The following KIF1B variants were observed in gnomAD, a reference collection of about 807,000 sequenced individuals.
KIF1B encodes the protein kinesin family member 1B.
KIF1B carries 76 observed loss-of-function variants against 241.9 expected under a neutral mutation model. That is an observed-to-expected ratio of 0.31 (90% confidence interval 0.26 to 0.38). The LOEUF (loss-of-function observed/expected upper bound fraction) is 0.38. Among genes scored for constraint, KIF1B ranks in the 10% least tolerant of loss-of-function variants. The probability of loss-of-function intolerance (pLI) is 1.00; values close to 1 mark genes in which losing one functional copy is unlikely to be tolerated. For missense variants in KIF1B, 1,622 were observed against 2,271.4 expected, an observed-to-expected ratio of 0.71 and a Z score of 5.81; for synonymous variants, 750 against 796.7, an observed-to-expected ratio of 0.94 and a Z score of 0.99.
chr1:10,324,000 A>G lies in KIF1B; in HGVS notation c.2475A>G (p.Val825=), dbSNP rs1280903143. The change falls in exon 25 of 49, where the codon GTA becomes GTG. Residue 825 remains valine (V), a synonymous_variant. Transcript: ENST00000676179. ...HEDRPFPRTV[V]AVEVQDLKNG... ...ACAGGCCTTTCCCTCGCACAGTGGTAGCAGTAGAAGTCCAGGATTTGAAGA... is the reference window on the plus strand; with the variant it reads ...ACAGGCCTTTCCCTCGCACAGTGGTGGCAGTAGAAGTCCAGGATTTGAAGA... 1.2e-6 allele frequency: 2 copies of G among 1,614,200 alleles called. No homozygotes were observed. Among genetic ancestry groups the G allele is most frequent in the South Asian group, 2.2e-5 (2 of 91,076 alleles).
At chr1:10,352,810 C>T (rs893391244) in intron 38 of KIF1B, 74 bp downstream of exon 38, 10 of 1,028,660 alleles carry the variant, frequency 9.7e-6, no homozygotes, top group Non-Finnish European at 1.5e-5. Context: ...GTGCCTTATT[C>T]ATTAATGACT....
chr1:10,220,551 AC>A (rs1241582856), intron 1 of KIF1B, among the ~76,000 whole-genome samples: 1 of 152,008 alleles, frequency 6.6e-6, no homozygotes, highest in Non-Finnish European at 1.5e-5. Flanking sequence ...TGCCTATAGT[AC>A]CCAGCTACTC....
intron 3 of KIF1B, among the ~76,000 whole-genome samples, chr1:10,257,363 A>T (rs1157698445): frequency 6.7e-6 from 1 of 148,550 alleles, no homozygotes; most frequent in Non-Finnish European, 1.5e-5. Context: ...AATCCCAGCT[A>T]CTTGGGAGGC....
chr1:10,245,755 A>G (rs1647201235), intron 2 of KIF1B, among the ~76,000 whole-genome samples: 1 of 152,186 alleles, frequency 6.6e-6, no homozygotes, highest in South Asian at 2.1e-4. Context: ...AAATCAGGAG[A>G]TAGCCTGAAC....
intron 12 of KIF1B, among the ~76,000 whole-genome samples, chr1:10,277,303 C>A (rs1425232037): frequency 6.6e-6 from 1 of 150,706 alleles, no homozygotes; most frequent in Non-Finnish European, 1.5e-5. Flanking sequence ...AAGAAAAAAA[C>A]AATTACCAAC....
At chr1:10,247,632 A>G (rs1482056908) in intron 2 of KIF1B, among the ~76,000 whole-genome samples, 1 of 152,220 alleles carries the variant, frequency 6.6e-6, no homozygotes, top group Non-Finnish European at 1.5e-5. Flanking sequence ...ACAGTTCTGT[A>G]TAGTTAGGCA....
At chr1:10,226,972 A>AAAACAAAC (rs111659874) in intron 1 of KIF1B, among the ~76,000 whole-genome samples, 12 of 146,766 alleles carry the variant, frequency 8.2e-5, no homozygotes, top group African/African-American at 1.0e-4. Flanking sequence ...CCCTGTCTCA[A>AAAACAAAC]AAACAAACAA....
rs1652216048 is a variant in KIF1B, at chr1:10,337,277, T to C, written c.3259+74T>C. ...AAATATTGACCATTATCAAGGGACA[T>C]AGTGGCCTTCATCAACTAGGAATGG... is the stretch of plus-strand genomic sequence containing the variant. On this transcript the variant is annotated intron_variant, in intron 30 of 48. Coordinates refer to ENST00000676179, the MANE Select transcript of KIF1B (RefSeq NM_001365951.3). The surrounding 1 kb of genome is among the most constrained non-coding windows in gnomAD (Gnocchi z 4.0). The C allele has an allele frequency of 3.1e-6, 5 of 1,612,360 alleles. No homozygotes were observed. The highest frequency in any genetic ancestry group is 1.3e-5 in the African/African-American group (1 of 75,016).
In KIF1B at chr1:10,310,004, C is replaced by T. The variant is rs146631257; in HGVS notation, c.2116-10039C>T. Reference sequence around the variant, plus strand: ...GCTTACCTCCCCTTCCAGACTTGAGCTCCTCAGCTCTTTCTGCCCAGCCCA... The same window carrying T: ...GCTTACCTCCCCTTCCAGACTTGAGTTCCTCAGCTCTTTCTGCCCAGCCCA... On this transcript the variant is annotated intron_variant, in intron 22 of 48. Coordinates refer to ENST00000676179, the MANE Select transcript of KIF1B (RefSeq NM_001365951.3). Among the ~76,000 whole-genome samples the T allele has an allele frequency of 1.3e-3, 204 of 151,552 alleles. 2 individuals are homozygous for T. In the East Asian group the frequency reaches 0.023, roughly 17 times the overall value.
Position 10,267,511 on chromosome 1 carries a change from T to A in KIF1B, c.561T>A (p.Thr187=). Residue 187 remains threonine, a synonymous_variant, in exon 6 of 49, where the codon ACT becomes ACA. Transcript: ENST00000676179. ...AGGATCTGTCCAAGTTGGCAGTTAC[T>A]TCCTACACAGACATTGCTGACCTCA... The part of the protein sequence containing the change: ...YVEDLSKLAV[T]SYTDIADLMD... 1.9e-6 allele frequency: 3 copies of A among 1,614,198 alleles called. No homozygotes were observed. Among genetic ancestry groups the A allele is most frequent in the Non-Finnish European group, 2.5e-6 (3 of 1,180,010 alleles).
chr1:10,227,019 A>G (rs1371128703), intron 1 of KIF1B, among the ~76,000 whole-genome samples: 2 of 148,714 alleles, frequency 1.3e-5, no homozygotes, highest in Middle Eastern at 3.5e-3. Context: ...GTTGATAAAT[A>G]ACGCAAGTCT....
intron 27 of KIF1B, among the ~76,000 whole-genome samples, chr1:10,333,326 C>T (rs1236396046): frequency 1.3e-5 from 2 of 151,258 alleles, no homozygotes; most frequent in South Asian, 2.1e-4. Context: ...GCTGAGATTG[C>T]GCCATTGCAC....
intron 1 of KIF1B, among the ~76,000 whole-genome samples, chr1:10,224,988 A>G (rs1055133321): frequency 2.6e-5 from 4 of 152,118 alleles, no homozygotes; most frequent in Non-Finnish European, 4.4e-5. Context: ...TGCAACCTAG[A>G]TCCCTTGCAT....
At position 10,276,317 on chromosome 1, in the gene KIF1B, T is replaced by C. The variant is rs769343487; in HGVS notation, c.959-4T>C. The C allele has an allele frequency of 6.2e-7, 1 of 1,611,264 alleles. No individual in the cohort carries two copies. Among genetic ancestry groups the C allele is most frequent in the South Asian group, 1.1e-5 (1 of 90,990 alleles). On this transcript the variant is annotated splice_region_variant and splice_polypyrimidine_tract_variant and intron_variant, in intron 11 of 48. Transcript: ENST00000676179. ...GATTTGATACTCATGATTAATCTTT[T>C]TAGGTGGCAATTCTCGGACTGCAAT...
intron 13 of KIF1B, 34 bp downstream of exon 13, chr1:10,278,162 C>CCTTT (rs1428685993): frequency 1.2e-6 from 2 of 1,605,496 alleles, no homozygotes; most frequent in Non-Finnish European, 1.7e-6. Flanking sequence ...AAAATCTAAT[C>CCTTT]CTTTCTTCTT....
chr1:10,264,366 A>G (rs1199119781), intron 5 of KIF1B, among the ~76,000 whole-genome samples: 3 of 152,248 alleles, frequency 2.0e-5, no homozygotes, highest in Non-Finnish European at 4.4e-5. Context: ...TGGTTGGTGC[A>G]GAAGTAAAAG....
At chr1:10,241,894 G>A (rs1271225255) in intron 2 of KIF1B, among the ~76,000 whole-genome samples, 1 of 152,162 alleles carries the variant, frequency 6.6e-6, no homozygotes, top group Non-Finnish European at 1.5e-5. Flanking sequence ...AGCTAGCAAA[G>A]TCTGGAATGC....
chr1:10,262,295 G>T (rs548552887), intron 5 of KIF1B, among the ~76,000 whole-genome samples: 1 of 152,194 alleles, frequency 6.6e-6, no homozygotes, highest in South Asian at 2.1e-4. Flanking sequence ...GACAACAGGT[G>T]TGTGCCACCA....
intron 22 of KIF1B, among the ~76,000 whole-genome samples, chr1:10,311,718 C>G (rs1454551440): frequency 6.6e-6 from 1 of 151,296 alleles, no homozygotes; most frequent in African/African-American, 2.5e-5. Flanking sequence ...GGGACACTTT[C>G]TTCTCTTGGC....
Sources: allele counts gnomAD v4.1 joint callset (sites outside exome capture counted in the v4.1 genomes callset), GRCh38; gene constraint gnomAD v4.1.1; non-coding constraint Gnocchi (gnomAD v3.1); transcripts MANE v1.5; gene names NCBI Gene and HGNC (gene_info 2026-07-23, HGNC 2026-07-21).